The following FAM13C variants were observed in gnomAD, a reference collection of about 807,000 sequenced individuals.
The protein encoded by FAM13C is protein FAM13C.
In FAM13C, 37 loss-of-function variants were observed where a neutral mutation model predicts 73.2. That is an observed-to-expected ratio of 0.51 (90% CI 0.39 to 0.67). The LOEUF is 0.67. FAM13C is among the 30% of genes least tolerant of loss of function. FAM13C has a pLI of 0.00. For synonymous variants in FAM13C, 246 were observed against 260.9 expected (o/e 0.94, Z 0.55); for missense variants, 589 against 715.6 (o/e 0.82, Z 2.02).
At chr10:59,289,462 T>C (rs1845972412) in intron 5 of FAM13C, among the ~76,000 whole-genome samples, 1 of 152,164 alleles carries the variant, frequency 6.6e-6, no homozygotes, top group African/African-American at 2.4e-5. Flanking sequence ...ATGTGCAGAG[T>C]TCGTGTCCAC....
intron 10 of FAM13C, 73 bp downstream of exon 10, chr10:59,262,361 G>C: frequency 1.5e-6 from 2 of 1,364,578 alleles, no homozygotes. Context: ...AAAGTGCTCT[G>C]ACAAATTGGA....
intron 3 of FAM13C, among the ~76,000 whole-genome samples, chr10:59,346,749 T>C (rs986753183): frequency 7.2e-5 from 11 of 152,232 alleles, no homozygotes; most frequent in Non-Finnish European, 1.2e-4. Flanking sequence ...AATTTGGTTG[T>C]CAGGGATTAA....
intron 10 of FAM13C, 133 bp downstream of exon 10, chr10:59,262,301 A>ACTACTG: frequency 1.4e-6 from 1 of 737,488 alleles, no homozygotes; most frequent in Non-Finnish European, 2.2e-6. Context: ...CCTGTCAGGA[A>ACTACTG]CTCATCTGAA....
intron 5 of FAM13C, chr10:59,300,874 T>C (rs1459203506): frequency 1.3e-5 from 2 of 152,266 alleles, no homozygotes; most frequent in Non-Finnish European, 2.9e-5. Flanking sequence ...ATTTATGTGC[T>C]GGTTGCACAC....
chr10:59,267,698 C>T (rs897333795), intron 8 of FAM13C, among the ~76,000 whole-genome samples: 11 of 152,182 alleles, frequency 7.2e-5, no homozygotes, highest in Admixed American at 7.2e-4. Context: ...TACTCTCATA[C>T]TCACAAGAAC....
chr10:59,246,721 G>A lies in FAM13C; in HGVS notation c.*893C>T. Reference sequence around the variant, plus strand: ...TGAATAACTACAGCTCATGGGAAATGTTTTGACTTTACAAAGTATAGATGT... The same window carrying A: ...TGAATAACTACAGCTCATGGGAAATATTTTGACTTTACAAAGTATAGATGT... On this transcript the variant is annotated 3_prime_UTR_variant, in exon 14 of 14. Transcript: ENST00000618804. The A allele has an allele frequency of 2.5e-6, 1 of 397,116 alleles. No homozygotes were observed. 24.6% of individuals were successfully genotyped at this position (397,116 alleles called of 1,614,324 possible).
At chr10:59,316,046 C>T (rs1328876055) in intron 4 of FAM13C, among the ~76,000 whole-genome samples, 1 of 151,766 alleles carries the variant, frequency 6.6e-6, no homozygotes, top group African/African-American at 2.4e-5. Context: ...TCTCATGTCT[C>T]AGCCTCCCAA....
At chr10:59,356,943 G>C (rs1018117536) in intron 1 of FAM13C, among the ~76,000 whole-genome samples, 1 of 152,154 alleles carries the variant, frequency 6.6e-6, no homozygotes, top group Non-Finnish European at 1.5e-5. Flanking sequence ...TTCCTCTTGT[G>C]CTGGATGCTT....
chr10:59,263,615 G>C (rs1185599874), intron 9 of FAM13C, among the ~76,000 whole-genome samples: 1 of 152,126 alleles, frequency 6.6e-6, no homozygotes, highest in African/African-American at 2.4e-5. Context: ...TCCAGAGAAA[G>C]ACAGAAAAAG....
At chr10:59,279,281 T>G (rs768640529) in intron 6 of FAM13C, among the ~76,000 whole-genome samples, 1 of 152,210 alleles carries the variant, frequency 6.6e-6, no homozygotes, top group Non-Finnish European at 1.5e-5. Flanking sequence ...TCTGGTCAAG[T>G]GGACAGTGTC....
intron 6 of FAM13C, among the ~76,000 whole-genome samples, chr10:59,281,533 T>G (rs1310522215): frequency 6.6e-6 from 1 of 152,234 alleles, no homozygotes; most frequent in Non-Finnish European, 1.5e-5. Flanking sequence ...CAGATTCATC[T>G]ACATTTTGGA....
intron 8 of FAM13C, among the ~76,000 whole-genome samples, chr10:59,266,352 A>G (rs1843064136): frequency 6.6e-6 from 1 of 152,202 alleles, no homozygotes; most frequent in African/African-American, 2.4e-5. Flanking sequence ...ATGGAAAGAT[A>G]TACGTGATAC....
intron 5 of FAM13C, among the ~76,000 whole-genome samples, chr10:59,286,534 T>TATATATAC (rs1554820184): frequency 7.0e-6 from 1 of 141,936 alleles, no homozygotes; most frequent in Non-Finnish European, 1.5e-5. Flanking sequence ...TATATATATA[T>TATATATAC]ATATATATTC....
chr10:59,257,971 G>A (rs1256359265), intron 10 of FAM13C, among the ~76,000 whole-genome samples: 2 of 152,088 alleles, frequency 1.3e-5, no homozygotes, highest in Admixed American at 1.3e-4. Context: ...CACATCAAAT[G>A]TTATTTGAGC....
intron 3 of FAM13C, among the ~76,000 whole-genome samples, chr10:59,342,089 C>T (rs1853591549): frequency 6.6e-6 from 1 of 152,148 alleles, no homozygotes; most frequent in African/African-American, 2.4e-5. Flanking sequence ...TCATGAAAGT[C>T]AGCCTTCCTA....
chr10:59,310,811 A>G (rs1848833710), intron 4 of FAM13C, among the ~76,000 whole-genome samples: 1 of 152,182 alleles, frequency 6.6e-6, no homozygotes, highest in Admixed American at 6.5e-5. Context: ...GAAGATTAGA[A>G]TCAGCCAGTA....
chr10:59,254,253 C>T (rs1034079098), intron 11 of FAM13C, 95 bp downstream of exon 11: 6 of 805,204 alleles, frequency 7.5e-6, no homozygotes, highest in Admixed American at 5.3e-5. Context: ...GTATATACTG[C>T]CATGAAGGGT....
intron 12 of FAM13C, among the ~76,000 whole-genome samples, chr10:59,251,989 G>T (rs892651422): frequency 6.6e-6 from 1 of 152,120 alleles, no homozygotes; most frequent in African/African-American, 2.4e-5. Context: ...GGGATATTTT[G>T]AAGGAATACT....
chr10:59,315,900 C>T (rs1849473353), intron 4 of FAM13C, among the ~76,000 whole-genome samples: 1 of 152,132 alleles, frequency 6.6e-6, no homozygotes, highest in Non-Finnish European at 1.5e-5. Flanking sequence ...ATATTCCTAT[C>T]TTCTTCCATG....
Sources: gnomAD v4.1 joint callset for allele counts (sites outside exome capture counted in the v4.1 genomes callset) on GRCh38, gnomAD v4.1.1 for gene constraint, MANE v1.5 for transcripts, NCBI Gene and HGNC (gene_info 2026-07-23, HGNC 2026-07-21) for gene names.